The following TTLL9 variants were observed in gnomAD, a reference collection of about 807,000 sequenced individuals.
TTLL9 encodes the protein tubulin tyrosine ligase like 9.
A neutral mutation model predicts 65.6 loss-of-function variants in TTLL9; 47 were observed. The observed-to-expected ratio is 0.72, with a 90% CI of 0.57 to 0.91. The LOEUF is 0.91. TTLL9 is among the 40% of genes least tolerant of loss of function. The pLI is 0.00. For synonymous variants in TTLL9, 179 were observed against 204.8 expected (o/e 0.87, Z 1.07); for missense variants, 537 against 568.8 (o/e 0.94, Z 0.57).
intron 2 of TTLL9, among the ~76,000 whole-genome samples, chr20:31,882,821 A>G (rs2063137467): frequency 6.6e-6 from 1 of 152,226 alleles, no homozygotes; most frequent in Non-Finnish European, 1.5e-5. Flanking sequence ...AATGTAACAA[A>G]CATCCTTTGA....
chr20:31,903,012 C>T (rs1352856996), intron 4 of TTLL9, among the ~76,000 whole-genome samples: 1 of 152,152 alleles, frequency 6.6e-6, no homozygotes. Flanking sequence ...TACAAGCACA[C>T]ACCACCATAC....
intron 3 of TTLL9, among the ~76,000 whole-genome samples, chr20:31,894,098 C>CTTTTTTTT (rs1162101774): frequency 1.7e-4 from 16 of 92,090 alleles, no homozygotes; most frequent in East Asian, 2.9e-4. Context: ...CCATTTGGTT[C>CTTTTTTTT]TTTTTTTTTT....
chr20:31,940,339 T>C (rs2064183138), intron 14 of TTLL9: 1 of 152,202 alleles, frequency 6.6e-6, no homozygotes, highest in African/African-American at 2.4e-5. Flanking sequence ...AAGCTGTCCA[T>C]ACTCTTTATC....
chr20:31,936,814 A>G lies in TTLL9; in HGVS notation c.1005-582A>G, dbSNP rs1292055226. Among the ~76,000 whole-genome samples, 6 of 152,196 alleles carry G rather than the reference A, an allele frequency of 3.9e-5. No homozygotes were observed. The East Asian group carries it at 9.6e-4, about 24-fold the overall frequency. ...TTCTACATTTGAGTTACCTTTCTTCAAAGTGGAAAGGTGGCTCATGCCTGT... is the reference window on the plus strand; with the variant it reads ...TTCTACATTTGAGTTACCTTTCTTCGAAGTGGAAAGGTGGCTCATGCCTGT... On this transcript the variant is annotated intron_variant, in intron 12 of 14. Coordinates refer to ENST00000535842, the MANE Select transcript of TTLL9 (RefSeq NM_001008409.5).
chr20:31,938,317 T>C (rs1452026601), intron 13 of TTLL9: 6 of 415,996 alleles, frequency 1.4e-5, no homozygotes, highest in Non-Finnish European at 2.9e-5. Context: ...ATGTGAGCCA[T>C]GGGGTGAGGG....
rs1176760781 is a variant in TTLL9, at chr20:31,871,560, GAGC to G, written c.69+368_69+370del. On this transcript the variant is annotated intron_variant, in intron 2 of 14. Transcript: ENST00000535842. ...TAGGTGACTGGGGATTGTGGATAGAGAGCAGGACAGAGAGAATCCACAGAGCCC... is the reference window on the plus strand; with the variant it reads ...TAGGTGACTGGGGATTGTGGATAGAGAGGACAGAGAGAATCCACAGAGCCC... Among the ~76,000 whole-genome samples, 4 of 152,230 alleles carry G rather than the reference GAGC, an allele frequency of 2.6e-5. No individual in the cohort carries two copies. In the East Asian group the frequency reaches 7.7e-4, roughly 29 times the overall value.
intron 3 of TTLL9, among the ~76,000 whole-genome samples, chr20:31,892,559 C>T (rs1351772801): frequency 6.6e-6 from 1 of 152,154 alleles, no homozygotes; most frequent in East Asian, 1.9e-4. Flanking sequence ...CTCTCTTTAA[C>T]GTCTGGCTTA....
At chr20:31,911,002 C>T (rs1351074867) in intron 6 of TTLL9, among the ~76,000 whole-genome samples, 2 of 152,012 alleles carry the variant, frequency 1.3e-5, no homozygotes, top group Admixed American at 6.6e-5. Context: ...GGTGAAACCC[C>T]CATCTTTACT....
intron 4 of TTLL9, among the ~76,000 whole-genome samples, chr20:31,905,073 C>A (rs566451861): frequency 6.6e-6 from 1 of 152,084 alleles, no homozygotes; most frequent in East Asian, 1.9e-4. Flanking sequence ...GAGCACATGG[C>A]CATTTCTTTT....
intron 3 of TTLL9, among the ~76,000 whole-genome samples, chr20:31,887,850 C>CCTCTCCTCTTCTCTTCTCTT: frequency 2.8e-5 from 1 of 35,458 alleles, no homozygotes; most frequent in African/African-American, 1.1e-4. Context: ...TTAGATATCT[C>CCTCTCCTCTTCTCTTCTCTT]CTCTCCTCTT....
intron 8 of TTLL9, among the ~76,000 whole-genome samples, chr20:31,923,328 G>C (rs2063842777): frequency 6.6e-6 from 1 of 152,176 alleles, no homozygotes. Flanking sequence ...ATATTATAAA[G>C]CACCTACTTG....
At chr20:31,892,241 G>A (rs1207417419) in intron 3 of TTLL9, among the ~76,000 whole-genome samples, 12 of 150,336 alleles carry the variant, frequency 8.0e-5, no homozygotes, top group African/African-American at 2.7e-4. Context: ...GTGCACTGGT[G>A]TGATCTCAGC....
chr20:31,873,019 T>C, intron 2 of TTLL9: 1 of 518,396 alleles, frequency 1.9e-6, no homozygotes, highest in Non-Finnish European at 3.9e-6. Context: ...CTTTCCTTTA[T>C]GGGGGCCACT....
chr20:31,921,637 GC>G (rs1418221264), intron 7 of TTLL9, among the ~76,000 whole-genome samples: 1 of 152,188 alleles, frequency 6.6e-6, no homozygotes, highest in African/African-American at 2.4e-5. Context: ...GAAATACTAT[GC>G]TGCCATAAAA....
intron 6 of TTLL9, 38 bp downstream of exon 6, chr20:31,909,960 G>T: frequency 6.4e-7 from 1 of 1,561,694 alleles, no homozygotes; most frequent in South Asian, 1.1e-5. Context: ...GGGAGGGAAT[G>T]AGTCCCAGGT....
At chr20:31,888,815 A>G (rs555893945) in intron 3 of TTLL9, among the ~76,000 whole-genome samples, 2 of 152,174 alleles carry the variant, frequency 1.3e-5, no homozygotes, top group African/African-American at 2.4e-5. Context: ...AACAAGGGAG[A>G]GGTCCCAGGC....
chr20:31,942,959 C>CG lies in TTLL9; in HGVS notation c.1260dup (p.Lys421GlufsTer166), dbSNP rs1297116579. ...TTCCTTTCCAGGCTGCGTCAACGATCGGAAGAAACAACTGAGGCAGCTCTT... is the reference window on the plus strand; with the variant it reads ...TTCCTTTCCAGGCTGCGTCAACGATCGGGAAGAAACAACTGAGGCAGCTCTT... On this transcript the variant is annotated frameshift_variant, in exon 15 of 15. Coordinates refer to ENST00000535842, the MANE Select transcript of TTLL9 (RefSeq NM_001008409.5). LOFTEE classifies it high-confidence loss of function. 6.2e-7 allele frequency: 1 copy of CG among 1,614,014 alleles called. No homozygotes were observed. Among genetic ancestry groups the CG allele is most frequent in the African/African-American group, 1.3e-5 (1 of 74,908 alleles).
At chr20:31,911,971 A>G (rs893436720) in intron 6 of TTLL9, among the ~76,000 whole-genome samples, 7 of 151,588 alleles carry the variant, frequency 4.6e-5, no homozygotes, top group African/African-American at 1.7e-4. Flanking sequence ...TTCTGTGTCC[A>G]CTGCTTACAA....
chr20:31,923,223 G>A (rs1338192860), intron 8 of TTLL9, among the ~76,000 whole-genome samples, 170 bp downstream of exon 8: 1 of 152,156 alleles, frequency 6.6e-6, no homozygotes, highest in Non-Finnish European at 1.5e-5. Context: ...TGCCTGTACA[G>A]TTCCCTCTGC....
Sources: allele counts gnomAD v4.1 joint callset (sites outside exome capture counted in the v4.1 genomes callset), GRCh38; gene constraint gnomAD v4.1.1; transcripts MANE v1.5; gene names NCBI Gene and HGNC (gene_info 2026-07-23, HGNC 2026-07-21).